DMXL1: variants seen among roughly 807,000 people sequenced by gnomAD.
DMXL1 encodes Dmx like 1, also known as dmX-like protein 1.
A neutral mutation model predicts 319.2 loss-of-function variants in DMXL1; 99 were observed. The observed-to-expected ratio is 0.31, with a 90% CI of 0.26 to 0.37. The LOEUF is 0.37. Among genes scored for constraint, DMXL1 ranks in the 10% least tolerant of loss-of-function variants. DMXL1 has a pLI of 1.00. For synonymous variants in DMXL1, 1,385 were observed against 1,235.2 expected (o/e 1.12, Z -2.54); for missense variants, 3,745 against 3,595.6 (o/e 1.04, Z -1.06).
At position 119,127,927 on chromosome 5, in the gene DMXL1, A is replaced by G. The variant is rs1580878590; in HGVS notation, c.1103-1284A>G. The G allele has an allele frequency of 3.2e-5, 12 of 374,508 alleles. No individual in the cohort carries two copies. In the East Asian group the frequency reaches 7.8e-4, roughly 24 times the overall value. 23.2% of individuals were successfully genotyped at this position (374,508 alleles called of 1,614,324 possible). A position where few individuals can be genotyped will look rare whatever the true frequency, so the allele number is the denominator to read the frequency against. ...ACTTTTTCAAGCAAAAGCTTCATAA[A>G]CTTAGTATCAAATGGTTTAAGTCCA... On this transcript the variant is annotated intron_variant, in intron 9 of 43. Coordinates refer to ENST00000539542, the MANE Select transcript of DMXL1 (RefSeq NM_001290321.3).
intron 30 of DMXL1, among the ~76,000 whole-genome samples, chr5:119,194,787 G>A (rs1180137788): frequency 6.6e-6 from 1 of 152,146 alleles, no homozygotes; most frequent in Non-Finnish European, 1.5e-5. Context: ...GGGCATGGTG[G>A]CCTATGCCTG....
chr5:119,101,431 A>C (rs1757257003), intron 2 of DMXL1, among the ~76,000 whole-genome samples: 2 of 152,184 alleles, frequency 1.3e-5, no homozygotes, highest in African/African-American at 4.8e-5. Context: ...CAGAGCCAGG[A>C]AAGGTTATGA....
intron 3 of DMXL1, among the ~76,000 whole-genome samples, chr5:119,102,415 A>G (rs1757465665): frequency 6.6e-6 from 1 of 152,230 alleles, no homozygotes. Flanking sequence ...TAGATCATGT[A>G]ATACAGTCGT....
intron 32 of DMXL1, among the ~76,000 whole-genome samples, chr5:119,202,875 ATATATATTTT>A (rs1283600398): frequency 6.3e-5 from 7 of 111,898 alleles, no homozygotes; most frequent in Non-Finnish European, 1.3e-4. Flanking sequence ...ATATATATAT[ATATATATTTT>A]TATATATATA....
chr5:119,178,895 C>A (rs1212352269), intron 28 of DMXL1, among the ~76,000 whole-genome samples: 1 of 151,310 alleles, frequency 6.6e-6, no homozygotes, highest in Non-Finnish European at 1.5e-5. Flanking sequence ...CTTTTAAATT[C>A]TTTGTTTTTT....
intron 6 of DMXL1, 35 bp downstream of exon 6, chr5:119,114,576 T>A: frequency 7.1e-7 from 1 of 1,417,132 alleles, no homozygotes; most frequent in Non-Finnish European, 9.8e-7. Context: ...AAATTATGTG[T>A]TTATAGTTTA....
chr5:119,151,127 A>G (rs1769697666), intron 18 of DMXL1, among the ~76,000 whole-genome samples: 1 of 152,110 alleles, frequency 6.6e-6, no homozygotes, highest in East Asian at 1.9e-4. Flanking sequence ...AACAATTATA[A>G]TTTGGTTTTT....
chr5:119,225,279 T>C (rs1785330070), intron 38 of DMXL1, among the ~76,000 whole-genome samples: 4 of 152,050 alleles, frequency 2.6e-5, no homozygotes, highest in Admixed American at 2.6e-4. Flanking sequence ...GAAATTATTA[T>C]TAGTTTTTAT....
At position 119,071,614 on chromosome 5, in the gene DMXL1, C is replaced by T. The variant is rs1749576369; in HGVS notation, c.45C>T (p.Asp15=). The change falls in exon 1 of 44, where the codon GAC becomes GAT. Residue 15 remains aspartate (D), a synonymous_variant. Transcript: ENST00000539542. ...QVLTGAVNPG[D]HCFSVGSIGD... is the part of the protein sequence containing the mutation. ...TGACCGGGGCTGTGAACCCTGGCGA[C>T]CACTGCTTCTCCGTGGGCAGCATTG... The T allele has an allele frequency of 6.2e-7, 1 of 1,604,784 alleles. No individual in the cohort carries two copies. Among genetic ancestry groups the T allele is most frequent in the African/African-American group, 1.3e-5 (1 of 74,594 alleles).
chr5:119,132,785 A>G (rs770134355), intron 10 of DMXL1: 9 of 551,618 alleles, frequency 1.6e-5, no homozygotes, highest in Non-Finnish European at 3.3e-5. Context: ...ATTAATTTGA[A>G]CTACTTGGTA....
chr5:119,202,797 G>A (rs1780946635), intron 32 of DMXL1, among the ~76,000 whole-genome samples: 1 of 149,502 alleles, frequency 6.7e-6, no homozygotes, highest in African/African-American at 2.5e-5. Flanking sequence ...GTTGCAGTGA[G>A]CCAAGATCGC....
chr5:119,226,344 G>T (rs1785557269), intron 38 of DMXL1, among the ~76,000 whole-genome samples: 1 of 152,130 alleles, frequency 6.6e-6, no homozygotes, highest in Admixed American at 6.5e-5. Context: ...TTGTGAAAAT[G>T]TTATGAGACA....
chr5:119,234,453 A>T (rs1388676867), intron 39 of DMXL1, among the ~76,000 whole-genome samples: 1 of 151,954 alleles, frequency 6.6e-6, no homozygotes, highest in Non-Finnish European at 1.5e-5. Flanking sequence ...AATTCTCCTC[A>T]CACATTCCTT....
At chr5:119,165,061 C>G (rs1325538037) in intron 20 of DMXL1, 122 bp from the exon 21 acceptor site, 3 of 634,020 alleles carry the variant, frequency 4.7e-6, no homozygotes, top group Non-Finnish European at 8.3e-6. Flanking sequence ...ACATATTATT[C>G]ATATACATAT....
At chr5:119,230,348 T>G (rs1786444930) in intron 38 of DMXL1, among the ~76,000 whole-genome samples, 1 of 152,250 alleles carries the variant, frequency 6.6e-6, no homozygotes, top group Non-Finnish European at 1.5e-5. Flanking sequence ...CATTTGGGTC[T>G]GTTTCTATCT....
intron 9 of DMXL1, among the ~76,000 whole-genome samples, chr5:119,122,257 C>CG (rs1280487296): frequency 1.4e-5 from 2 of 142,146 alleles, no homozygotes; most frequent in Admixed American, 6.8e-5. Flanking sequence ...GCTGGCTGGG[C>CG]GGGGGGCCGA....
At chr5:119,104,880 A>C (rs1409811878) in intron 3 of DMXL1, among the ~76,000 whole-genome samples, 1 of 152,232 alleles carries the variant, frequency 6.6e-6, no homozygotes, top group Non-Finnish European at 1.5e-5. Context: ...ATTTAAAATT[A>C]ACTTTTTAAC....
intron 39 of DMXL1, chr5:119,236,983 A>T (rs1439398141): frequency 6.5e-6 from 1 of 154,118 alleles, no homozygotes; most frequent in Non-Finnish European, 1.4e-5. Flanking sequence ...GGAAATGAAC[A>T]GTTTTCTTTC....
In DMXL1 at chr5:119,116,284, C is replaced by T. The variant is rs1275904424; in HGVS notation, c.691C>T (p.Pro231Ser). ...IDFSFVYLAH[P>S]RAVNGFSWRK... ...CTTTTCTTTTGTGTATCTGGCCCAT[C>T]CTCGAGCAGTAAATGGATTTTCCTG... The change falls in exon 7 of 44, where the codon CCT (proline) becomes TCT (serine). Residue 231 changes from proline to serine, a missense_variant. Physicochemically the swap from Pro to Ser is moderately conservative, Grantham distance 74. Around this residue, in one of 4 missense-constraint regions of DMXL1, gnomAD observed 2,096 missense variants for 1,985.4 expected, o/e 1.06. Coordinates refer to ENST00000539542, the MANE Select transcript of DMXL1 (RefSeq NM_001290321.3). 1 of 1,614,050 alleles carries T rather than the reference C, an allele frequency of 6.2e-7. No individual in the cohort carries two copies. Among genetic ancestry groups the T allele is most frequent in the Non-Finnish European group, 8.5e-7 (1 of 1,179,962 alleles).
Sources: gnomAD v4.1 joint callset for allele counts (sites outside exome capture counted in the v4.1 genomes callset) on GRCh38, gnomAD v4.1.1 for gene constraint, gnomAD v4.1.1 regional missense constraint, MANE v1.5 for transcripts, NCBI Gene and HGNC (gene_info 2026-07-23, HGNC 2026-07-21) for gene names.